The following FHIT variants were observed in gnomAD, a reference collection of about 807,000 sequenced individuals.
The protein encoded by FHIT is bis(5'-adenosyl)-triphosphatase.
FHIT carries 19 observed loss-of-function variants against 17.9 expected under a neutral mutation model. The observed-to-expected ratio is 1.06, with a 90% CI of 0.74 to 1.56. The LOEUF (loss-of-function observed/expected upper bound fraction) is 1.56, where lower values mean the gene tolerates loss of function less well. Among genes scored for constraint, FHIT ranks in the 40% most tolerant of loss-of-function variants. The pLI, the probability that FHIT is intolerant of heterozygous loss-of-function variation, is 0.00. For synonymous variants in FHIT, 81 were observed against 69.7 expected (o/e 1.16, Z -0.81); for missense variants, 248 against 189.2 (o/e 1.31, Z -1.82).
chr3:59,799,437 C>T (rs1315777994), intron 8 of FHIT, among the ~76,000 whole-genome samples: 2 of 151,982 alleles, frequency 1.3e-5, no homozygotes, highest in Non-Finnish European at 2.9e-5. Context: ...GGCCCTGAAA[C>T]TCCCCTAACA....
chr3:60,617,035 G>T (rs2038972174), intron 4 of FHIT: 2 of 202,068 alleles, frequency 9.9e-6, no homozygotes, highest in Admixed American at 4.5e-5. Context: ...AACTTACTAT[G>T]GAAGTGGATA....
At chr3:61,043,165 C>A (rs1182567254) in intron 2 of FHIT, among the ~76,000 whole-genome samples, 1 of 152,080 alleles carries the variant, frequency 6.6e-6, no homozygotes, top group Non-Finnish European at 1.5e-5. Flanking sequence ...ATTGCCTCAC[C>A]CAGGCAGTGC....
intron 5 of FHIT, among the ~76,000 whole-genome samples, chr3:60,489,025 G>A (rs542061414): frequency 1.2e-4 from 19 of 152,216 alleles, no homozygotes; most frequent in Admixed American, 8.5e-4. Flanking sequence ...TGAACCAGAT[G>A]ATGTCCAATG....
chr3:59,783,481 C>A (rs968002333), intron 8 of FHIT, among the ~76,000 whole-genome samples: 1 of 152,076 alleles, frequency 6.6e-6, no homozygotes, highest in East Asian at 1.9e-4. Flanking sequence ...AAAAACAAAA[C>A]GAAACAAAAC....
chr3:61,030,177 C>T (rs2032942377), intron 3 of FHIT, among the ~76,000 whole-genome samples: 2 of 152,124 alleles, frequency 1.3e-5, no homozygotes, highest in African/African-American at 4.8e-5. Flanking sequence ...TTCATGTTGC[C>T]TAGGCTGGTC....
intron 2 of FHIT, among the ~76,000 whole-genome samples, chr3:61,092,890 A>C (rs1325744367): frequency 4.6e-5 from 7 of 152,240 alleles, no homozygotes; most frequent in Admixed American, 6.5e-5. Flanking sequence ...AATTTCATTA[A>C]AATTTTCTTC....
chr3:60,379,130 T>C (rs17062882), intron 5 of FHIT, among the ~76,000 whole-genome samples: 10,519 of 152,260 alleles, frequency 0.069, 795 homozygotes, highest in East Asian at 0.21. Flanking sequence ...TAAAGGTTAA[T>C]TGGGTTTTAG....
intron 5 of FHIT, among the ~76,000 whole-genome samples, chr3:60,170,438 T>C (rs538745880): frequency 9.8e-4 from 149 of 152,184 alleles, no homozygotes; most frequent in Admixed American, 2.2e-3. Flanking sequence ...TTCTTATCAC[T>C]TGCAACTGAT....
At chr3:60,293,326 A>G (rs961170039) in intron 5 of FHIT, among the ~76,000 whole-genome samples, 1 of 152,162 alleles carries the variant, frequency 6.6e-6, no homozygotes, top group East Asian at 1.9e-4. Flanking sequence ...TTTCCCAAAA[A>G]TCTCAAGTCA....
intron 4 of FHIT, among the ~76,000 whole-genome samples, chr3:60,795,706 G>A (rs1700957141): frequency 6.6e-6 from 1 of 151,764 alleles, no homozygotes; most frequent in African/African-American, 2.4e-5. Flanking sequence ...GTAGAGATGG[G>A]GTTTCACCAT....
At position 60,370,501 on chromosome 3, in the gene FHIT, C is replaced by T. The variant is rs74486865; in HGVS notation, c.103+166359G>A. Among the ~76,000 whole-genome samples the T allele has an allele frequency of 1.7e-3, 265 of 152,262 alleles. 1 individual carries two copies. Among genetic ancestry groups the T allele is most frequent in the African/African-American group, 6.3e-3 (261 of 41,558 alleles). On this transcript the variant is annotated intron_variant, in intron 5 of 9. Coordinates refer to ENST00000492590, the MANE Select transcript of FHIT (RefSeq NM_002012.4). The stretch of plus-strand genomic sequence containing the variant: ...GAGTTTAAATATTCATCTAGATATC[C>T]ACCTTGAATTCAAAAACCCCACAAC...
At chr3:60,436,444 C>T (rs1198251040) in intron 5 of FHIT, among the ~76,000 whole-genome samples, 3 of 152,050 alleles carry the variant, frequency 2.0e-5, no homozygotes, top group African/African-American at 7.2e-5. Flanking sequence ...GCAGTGTGCC[C>T]ATCATGCCAG....
chr3:61,218,111 T>G (rs1055357873), intron 1 of FHIT, among the ~76,000 whole-genome samples: 3 of 152,132 alleles, frequency 2.0e-5, no homozygotes, highest in African/African-American at 7.2e-5. Flanking sequence ...GAGTGGTAAG[T>G]TATCTGTAAG....
chr3:60,888,514 A>G (rs951229059), intron 3 of FHIT, among the ~76,000 whole-genome samples: 1 of 151,812 alleles, frequency 6.6e-6, no homozygotes, highest in East Asian at 1.9e-4. Context: ...AAAAAAAAAA[A>G]TATAGGTTTA....
chr3:60,000,693 A>G (rs1699695381), intron 7 of FHIT, among the ~76,000 whole-genome samples: 2 of 152,180 alleles, frequency 1.3e-5, no homozygotes, highest in African/African-American at 4.8e-5. Context: ...AACTAAAAAA[A>G]AAAACAATTT....
chr3:60,447,489 T>C (rs974227962), intron 5 of FHIT, among the ~76,000 whole-genome samples: 6 of 152,180 alleles, frequency 3.9e-5, no homozygotes, highest in African/African-American at 1.4e-4. Flanking sequence ...CTTAGTTCAA[T>C]GATCTCTTTT....
chr3:60,521,467 T>G (rs1365048535), intron 5 of FHIT, among the ~76,000 whole-genome samples: 3 of 152,162 alleles, frequency 2.0e-5, no homozygotes, highest in Non-Finnish European at 4.4e-5. Flanking sequence ...CAGGATGGTC[T>G]CGATCTGCTG....
chr3:60,396,852 T>C lies in FHIT; in HGVS notation c.103+140008A>G, dbSNP rs144449942. 1.2e-3 allele frequency among the ~76,000 whole-genome samples: 177 copies of C among 152,266 alleles called. 3 individuals carry two copies. The highest frequency in any genetic ancestry group is 1.4e-3 in the Non-Finnish European group (93 of 68,010). On this transcript the variant is annotated intron_variant, in intron 5 of 9. Coordinates refer to ENST00000492590, the MANE Select transcript of FHIT (RefSeq NM_002012.4). ...AAAATAGAAAGTTTAAATTCAAGGA[T>C]ACATATAAAGAATTTTTTTTTGCTT...
intron 5 of FHIT, among the ~76,000 whole-genome samples, chr3:60,532,757 C>T (rs2035833563): frequency 6.6e-6 from 1 of 152,152 alleles, no homozygotes. Flanking sequence ...AGCAAACGAT[C>T]CTGCTTCAAA....
Sources: gnomAD v4.1 joint callset for allele counts (sites outside exome capture counted in the v4.1 genomes callset) on GRCh38, gnomAD v4.1.1 for gene constraint, MANE v1.5 for transcripts, NCBI Gene and HGNC (gene_info 2026-07-23, HGNC 2026-07-21) for gene names.